Variants in DCAF4 observed in about 807,000 individuals in gnomAD.
DCAF4 encodes DDB1 and CUL4 associated factor 4.
Under a neutral mutation model 60.9 loss-of-function variants are expected in DCAF4, and 37 were observed. The ratio of observed to expected loss-of-function variants is 0.61; its 90% CI spans 0.47 to 0.80. The LOEUF is 0.80. Among genes scored for constraint, DCAF4 ranks in the 30% least tolerant of loss-of-function variants. The probability of loss-of-function intolerance (pLI) is 0.00; values close to 1 mark genes in which losing one functional copy is unlikely to be tolerated. For synonymous variants in DCAF4, 243 were observed against 254.8 expected, an observed-to-expected ratio of 0.95 and a Z score of 0.44; for missense variants, 577 against 650.0, an observed-to-expected ratio of 0.89 and a Z score of 1.22.
At chr14:72,952,752 T>C (rs56905972) in intron 9 of DCAF4, among the ~76,000 whole-genome samples, 1 of 139,836 alleles carries the variant, frequency 7.2e-6, no homozygotes, top group Non-Finnish European at 1.5e-5. Flanking sequence ...TGGAGTGCAA[T>C]GGCACGATCT....
rs1277520527 is a variant in DCAF4 at position 72,940,211 on chromosome 14, T to A, written c.194-9T>A. 1 of 1,613,700 alleles carries A rather than the reference T, an allele frequency of 6.2e-7. No homozygotes were observed. The highest frequency in any genetic ancestry group is 8.5e-7 in the Non-Finnish European group (1 of 1,179,942). On this transcript the variant is annotated splice_polypyrimidine_tract_variant and intron_variant, in intron 3 of 13. Transcript: ENST00000358377. ...TTGAAATTGGTGCATTTAATTTTTT[T>A]GTCTAAAGAGCTACCTGGGTTTTAC...
rs1473837580 is a variant in DCAF4, at chr14:72,945,940, C to T, written c.591C>T (p.Ser197=). Residue 197 remains serine (S), a synonymous_variant, in exon 7 of 14, where the codon TCC becomes TCT. Coordinates refer to ENST00000358377, the MANE Select transcript of DCAF4 (RefSeq NM_015604.4). ...FTVNDVKVGG[S]KYGIINLQSL... ...TGAACGATGTTAAAGTTGGAGGCTC[C>T]AAGTATGGTATCATCAACCTGCAAA... 3.7e-6 allele frequency: 6 copies of T among 1,614,126 alleles called. No homozygotes were observed. Among genetic ancestry groups the T allele is most frequent in the Admixed American group, 3.3e-5 (2 of 60,004 alleles).
intron 13 of DCAF4, chr14:72,957,308 C>T (rs1594810579): frequency 2.6e-5 from 4 of 152,376 alleles, no homozygotes. Context: ...GGCCACTAAG[C>T]CCCCTGGAAG....
At chr14:72,947,511 C>T (rs996609642) in intron 8 of DCAF4, among the ~76,000 whole-genome samples, 9 of 152,240 alleles carry the variant, frequency 5.9e-5, no homozygotes, top group Admixed American at 3.3e-4. Flanking sequence ...ACTCCAAGGC[C>T]GGCTCACTCT....
intron 4 of DCAF4, 141 bp downstream of exon 4, chr14:72,940,518 G>T: frequency 2.5e-6 from 2 of 796,298 alleles, no homozygotes; most frequent in Non-Finnish European, 3.6e-6. Flanking sequence ...GCTTTTCCCT[G>T]ACAGGAAGAA....
intron 3 of DCAF4, 120 bp from the exon 4 acceptor site, chr14:72,940,100 C>A: frequency 7.2e-7 from 1 of 1,392,140 alleles, no homozygotes; most frequent in Non-Finnish European, 1.0e-6. Context: ...CAAGGCAGCT[C>A]ATCCCCGCCC....
chr14:72,954,302 A>G, intron 10 of DCAF4, 40 bp downstream of exon 10: 1 of 1,611,832 alleles, frequency 6.2e-7, no homozygotes, highest in Non-Finnish European at 8.5e-7. Flanking sequence ...AGAGGCCTTA[A>G]CAGGCCTTAA....
intron 9 of DCAF4, among the ~76,000 whole-genome samples, chr14:72,953,849 T>C (rs1277494757): frequency 7.3e-6 from 1 of 137,200 alleles, no homozygotes; most frequent in East Asian, 2.3e-4. Context: ...CACACTTGCC[T>C]GAGATCACAT....
intron 1 of DCAF4, among the ~76,000 whole-genome samples, chr14:72,935,483 G>C (rs534827728): frequency 6.6e-6 from 1 of 152,332 alleles, no homozygotes; most frequent in South Asian, 2.1e-4. Context: ...TCAAACTCCT[G>C]ACCTCAGGTG....
Position 72,941,841 on chromosome 14 carries a change from TTGTTA to T in DCAF4, c.431+22_431+26del. 7 of 1,611,322 alleles carry T rather than the reference TTGTTA, an allele frequency of 4.3e-6. 1 individual carries two copies. The Middle Eastern group carries it at 9.9e-4, about 228-fold the overall frequency. On this transcript the variant is annotated intron_variant, in intron 5 of 13. Transcript: ENST00000358377. ...TTACTGCCAGTAAGACAATGCCTCTTTGTTATGTTTTCTTCATGAATGTTCTTTTC... is the reference window on the plus strand; with the variant it reads ...TTACTGCCAGTAAGACAATGCCTCTTTGTTTTCTTCATGAATGTTCTTTTC...
intron 6 of DCAF4, 23 bp from the exon 7 acceptor site, chr14:72,945,861 C>T: frequency 6.2e-7 from 1 of 1,614,004 alleles, no homozygotes; most frequent in Non-Finnish European, 8.5e-7. Flanking sequence ...GGACGTCACC[C>T]ACTGCCCCCT....
intron 11 of DCAF4, 30 bp downstream of exon 11, chr14:72,954,513 A>G: frequency 1.9e-6 from 3 of 1,610,056 alleles, no homozygotes; most frequent in Non-Finnish European, 2.5e-6. Context: ...GCAGAATATA[A>G]AAGTTTGCCC....
chr14:72,948,405 T>G (rs1891011696), intron 8 of DCAF4, among the ~76,000 whole-genome samples: 1 of 152,134 alleles, frequency 6.6e-6, no homozygotes, highest in African/African-American at 2.4e-5. Context: ...GATTATAAAT[T>G]TATATAAGGC....
rs1892020277 is a variant in DCAF4, at chr14:72,954,554, ACTCCT to A, written c.1005+74_1005+78del. 2.1e-6 allele frequency: 3 copies of A among 1,407,372 alleles called. No individual in the cohort carries two copies. The Admixed American group carries it at 5.3e-5, about 25-fold the overall frequency. 87.2% of individuals were successfully genotyped at this position (1,407,372 alleles called of 1,614,324 possible). ...AGAAATTTGGCCAGATTGAAATTGG[ACTCCT>A]CTGTGTGCCATCTAGTACTCTTTGA... is the stretch of plus-strand genomic sequence containing the variant. On this transcript the variant is annotated intron_variant, in intron 11 of 13. Coordinates refer to ENST00000358377, the MANE Select transcript of DCAF4 (RefSeq NM_015604.4).
chr14:72,926,918 G>GTGAA (rs2140160356), intron 1 of DCAF4: 1 of 152,658 alleles, frequency 6.6e-6, no homozygotes, highest in South Asian at 2.1e-4. Context: ...GGTGTCCCCT[G>GTGAA]TGAATGTTCA....
rs2302587 is a variant in DCAF4 at position 72,938,087 on chromosome 14, G to A, written c.92+17G>A. ...TGAAGACAGGCAAGTGTGCCGCTCTGGGGAGCCACTTTTGCCCAGTGTGCT... is the reference window on the plus strand; with the variant it reads ...TGAAGACAGGCAAGTGTGCCGCTCTAGGGAGCCACTTTTGCCCAGTGTGCT... On this transcript the variant is annotated intron_variant, in intron 2 of 13. Coordinates refer to ENST00000358377, the MANE Select transcript of DCAF4 (RefSeq NM_015604.4). 469,244 of 1,586,706 alleles carry A rather than the reference G, an allele frequency of 0.3. 72,884 individuals carry two copies. The highest frequency in any genetic ancestry group is 0.32 in the Non-Finnish European group (371,971 of 1,171,760).
intron 8 of DCAF4, among the ~76,000 whole-genome samples, chr14:72,948,002 A>C (rs185055913): frequency 6.6e-6 from 1 of 152,276 alleles, no homozygotes; most frequent in Admixed American, 6.5e-5. Flanking sequence ...TCTGGAAACA[A>C]TGTGACTACT....
intron 12 of DCAF4, 105 bp downstream of exon 12, chr14:72,955,801 G>T (rs1892198899): frequency 8.8e-7 from 1 of 1,132,744 alleles, no homozygotes; most frequent in African/African-American, 1.6e-5. Flanking sequence ...CCCCAGGCAG[G>T]GGAATTTCGC....
intron 2 of DCAF4, among the ~76,000 whole-genome samples, chr14:72,939,228 C>T (rs1293924592): frequency 6.6e-6 from 1 of 152,052 alleles, no homozygotes; most frequent in African/African-American, 2.4e-5. Flanking sequence ...GTGGCACACA[C>T]CTTTACTACA....
Sources: gnomAD v4.1 joint callset for allele counts (sites outside exome capture counted in the v4.1 genomes callset) on GRCh38, gnomAD v4.1.1 for gene constraint, MANE v1.5 for transcripts, NCBI Gene and HGNC (gene_info 2026-07-23, HGNC 2026-07-21) for gene names.